NRG1: variants seen among roughly 807,000 people sequenced by gnomAD.
The protein encoded by NRG1 is pro-neuregulin-1, membrane-bound isoform.
NRG1 carries 18 observed loss-of-function variants against 63.8 expected under a neutral mutation model. The ratio of observed to expected loss-of-function variants is 0.28; its 90% CI spans 0.19 to 0.42. The LOEUF is 0.42. Ranked by LOEUF, NRG1 falls within the 10% of genes least tolerant of loss-of-function variation. NRG1 has a pLI of 1.00. For missense variants in NRG1, 762 were observed against 814.7 expected, an observed-to-expected ratio of 0.94 and a Z score of 0.79; for synonymous variants, 302 against 301.3, an observed-to-expected ratio of 1.00 and a Z score of -0.02.
At chr8:32,390,744 G>A (rs1011705620) in intron 1 of NRG1, among the ~76,000 whole-genome samples, 1 of 152,036 alleles carries the variant, frequency 6.6e-6, no homozygotes, top group Admixed American at 6.6e-5. Flanking sequence ...GTAATTGGCT[G>A]TTTATCTGTC....
chr8:32,399,480 A>G (rs1174686138), intron 1 of NRG1, among the ~76,000 whole-genome samples: 1 of 152,158 alleles, frequency 6.6e-6, no homozygotes, highest in Admixed American at 6.5e-5. Flanking sequence ...AGAGGGCGGC[A>G]GATCACCTGA....
chr8:31,841,600 G>A (rs1282549533), intron 1 of NRG1, among the ~76,000 whole-genome samples: 2 of 152,092 alleles, frequency 1.3e-5, no homozygotes, highest in Non-Finnish European at 2.9e-5. Context: ...AAGGGTGCCA[G>A]CCTATTATAT....
intron 1 of NRG1, among the ~76,000 whole-genome samples, chr8:32,057,016 A>G (rs2130871480): frequency 6.6e-6 from 1 of 152,258 alleles, no homozygotes. Context: ...GCTATCACCT[A>G]CCCTACAATT....
intron 1 of NRG1, among the ~76,000 whole-genome samples, chr8:32,240,743 C>T (rs941510026): frequency 6.6e-6 from 1 of 151,990 alleles, no homozygotes; most frequent in African/African-American, 2.4e-5. Flanking sequence ...TTGTCCTATA[C>T]ATTTTTTTAG....
At chr8:32,487,416 G>A (rs528504691) in intron 1 of NRG1, among the ~76,000 whole-genome samples, 2 of 151,862 alleles carry the variant, frequency 1.3e-5, no homozygotes, top group African/African-American at 2.4e-5. Context: ...ATTTTTGGAG[G>A]TTGGTTTTTT....
chr8:32,509,309 G>T (rs1323143161), intron 1 of NRG1, among the ~76,000 whole-genome samples: 1 of 151,790 alleles, frequency 6.6e-6, no homozygotes, highest in Non-Finnish European at 1.5e-5. Flanking sequence ...GCCCAGGCTG[G>T]TCTCAAATTC....
At chr8:32,105,999 A>G (rs1831210620) in intron 1 of NRG1, among the ~76,000 whole-genome samples, 2 of 152,208 alleles carry the variant, frequency 1.3e-5, no homozygotes, top group Non-Finnish European at 2.9e-5. Flanking sequence ...TTGATGTGCC[A>G]CTAATTCTGC....
intron 1 of NRG1, among the ~76,000 whole-genome samples, chr8:32,527,145 A>G (rs764030675): frequency 6.6e-6 from 1 of 152,188 alleles, no homozygotes; most frequent in Non-Finnish European, 1.5e-5. Flanking sequence ...CTTGGCATCT[A>G]CTCAAAGGAA....
intron 11 of NRG1, among the ~76,000 whole-genome samples, chr8:32,762,545 G>T (rs769371090): frequency 1.8e-4 from 27 of 152,118 alleles, no homozygotes; most frequent in Non-Finnish European, 2.9e-4. Flanking sequence ...CAATTTCTCA[G>T]GCACGTTCCC....
chr8:32,233,536 AATATATATATATATAT>A (rs71541806), intron 1 of NRG1, among the ~76,000 whole-genome samples: 1 of 88,128 alleles, frequency 1.1e-5, no homozygotes, highest in Non-Finnish European at 2.2e-5. Context: ...AACTCGAAAG[AATATATATATATATAT>A]ATATATATAT....
chr8:32,581,566 C>G (rs1251140154), intron 1 of NRG1, among the ~76,000 whole-genome samples: 2 of 152,122 alleles, frequency 1.3e-5, no homozygotes, highest in Non-Finnish European at 2.9e-5. Flanking sequence ...TTCCAGGAGC[C>G]TCTGTCTCCT....
At chr8:32,101,706 C>T (rs1458129523) in intron 1 of NRG1, among the ~76,000 whole-genome samples, 2 of 152,040 alleles carry the variant, frequency 1.3e-5, no homozygotes, top group African/African-American at 2.4e-5. Flanking sequence ...ACGCTAGTTG[C>T]GTTTAATGTG....
chr8:31,733,960 A>T (rs1441584187), intron 1 of NRG1, among the ~76,000 whole-genome samples: 2 of 152,122 alleles, frequency 1.3e-5, no homozygotes, highest in East Asian at 3.8e-4. Flanking sequence ...GATCTGCAAG[A>T]TCTTACACAA....
At chr8:32,773,739 CT>C (rs1194278222) in intron 7 of NRG1, among the ~76,000 whole-genome samples, 1 of 152,188 alleles carries the variant, frequency 6.6e-6, no homozygotes, top group Non-Finnish European at 1.5e-5. Context: ...AAGACTGTGT[CT>C]AACTTGCAGA....
intron 3 of NRG1, among the ~76,000 whole-genome samples, chr8:32,606,238 G>A (rs1845260750): frequency 6.6e-6 from 1 of 150,798 alleles, no homozygotes; most frequent in Admixed American, 6.6e-5. Context: ...TTCTGTGTGT[G>A]TGCAGAATAC....
chr8:31,821,294 C>T (rs1020877083), intron 1 of NRG1, among the ~76,000 whole-genome samples: 12 of 152,080 alleles, frequency 7.9e-5, no homozygotes, highest in African/African-American at 2.9e-4. Context: ...TTTTAGTATA[C>T]TTGTGGTTCT....
exon 1 of NRG1, chr8:31,639,396 T>G: frequency 1.3e-6 from 2 of 1,534,606 alleles, no homozygotes; most frequent in Non-Finnish European, 1.7e-6. Flanking sequence ...GGCAGCAGCA[T>G]GGGGAAAGGA....
intron 1 of NRG1, among the ~76,000 whole-genome samples, chr8:31,908,336 C>T (rs1215964335): frequency 6.6e-6 from 1 of 152,126 alleles, no homozygotes; most frequent in Non-Finnish European, 1.5e-5. Context: ...TCTGCAGGAT[C>T]TGTTTCCAAA....
intron 1 of NRG1, among the ~76,000 whole-genome samples, chr8:32,415,830 T>C (rs1157883895): frequency 1.3e-5 from 2 of 152,214 alleles, no homozygotes; most frequent in Non-Finnish European, 2.9e-5. Flanking sequence ...TTCACCCTAT[T>C]GAAAATCATG....
Sources: gnomAD v4.1 joint callset for allele counts (sites outside exome capture counted in the v4.1 genomes callset) on GRCh38, gnomAD v4.1.1 for gene constraint, MANE v1.5 for transcripts, NCBI Gene and HGNC (gene_info 2026-07-23, HGNC 2026-07-21) for gene names.